The following SLC24A4 variants were observed in gnomAD, a reference collection of about 807,000 sequenced individuals.
SLC24A4 encodes solute carrier family 24 member 4, also known as sodium/potassium/calcium exchanger 4.
SLC24A4 carries 53 observed loss-of-function variants against 79.0 expected under a neutral mutation model. The ratio of observed to expected loss-of-function variants is 0.67; its 90% CI spans 0.54 to 0.84. SLC24A4 has a LOEUF of 0.84. SLC24A4 is among the 40% of genes least tolerant of loss of function. SLC24A4 has a pLI of 0.00. For synonymous variants in SLC24A4, 323 were observed against 323.8 expected, an observed-to-expected ratio of 1.00 and a Z score of 0.03; for missense variants, 731 against 822.0, an observed-to-expected ratio of 0.89 and a Z score of 1.35.
chr14:92,447,483 C>A (rs1318055112), intron 9 of SLC24A4, 59 bp downstream of exon 9: 1 of 1,482,344 alleles, frequency 6.7e-7, no homozygotes, highest in African/African-American at 1.4e-5. Context: ...CCTGCTACAG[C>A]CTTTTGTGAC....
intron 2 of SLC24A4, among the ~76,000 whole-genome samples, chr14:92,392,665 C>T (rs1889542454): frequency 6.6e-6 from 1 of 152,178 alleles, no homozygotes; most frequent in South Asian, 2.1e-4. Flanking sequence ...GTTGGTGTCC[C>T]CCAAATCCAA....
chr14:92,412,076 C>T (rs1343339533), intron 2 of SLC24A4, among the ~76,000 whole-genome samples: 1 of 152,194 alleles, frequency 6.6e-6, no homozygotes, highest in Admixed American at 6.5e-5. Context: ...GCTTCCTCCC[C>T]AGCCAGTCTC....
chr14:92,343,637 TTTCTC>T lies in SLC24A4; in HGVS notation c.241+17661_241+17665del, dbSNP rs1595140275. ...CTTTCTTTCTTTCTTTCTTTCTTTC[TTTCTC>T]TCTTTCCTTCTTTCCTTCCTTCCTT... On this transcript the variant is annotated intron_variant, in intron 2 of 16. Coordinates refer to ENST00000532405, the MANE Select transcript of SLC24A4 (RefSeq NM_153646.4). Among the ~76,000 whole-genome samples the T allele has an allele frequency of 1.9e-3, 152 of 81,194 alleles. 1 individual carries two copies. The highest frequency in any genetic ancestry group is 6.8e-3 in the Middle Eastern group (1 of 146). 53.3% of individuals were successfully genotyped at this position (81,194 alleles called of 152,430 possible). A position where few individuals can be genotyped will look rare whatever the true frequency, so the allele number is the denominator to read the frequency against.
At chr14:92,458,357 G>A (rs1212564665) in intron 12 of SLC24A4, among the ~76,000 whole-genome samples, 1 of 152,172 alleles carries the variant, frequency 6.6e-6, no homozygotes, top group African/African-American at 2.4e-5. Flanking sequence ...GAAGGCCGAG[G>A]GGATTGGTGT....
At chr14:92,393,193 A>C (rs1230944406) in intron 2 of SLC24A4, among the ~76,000 whole-genome samples, 1 of 152,234 alleles carries the variant, frequency 6.6e-6, no homozygotes, top group Non-Finnish European at 1.5e-5. Flanking sequence ...GTGAACAACA[A>C]ATTTCTGTTT....
chr14:92,481,556 C>T (rs1046479934), intron 12 of SLC24A4, among the ~76,000 whole-genome samples: 1 of 152,160 alleles, frequency 6.6e-6, no homozygotes. Context: ...CTTGTTCTGC[C>T]CCCTCTTGTG....
chr14:92,342,212 G>A (rs1886184024), intron 2 of SLC24A4, among the ~76,000 whole-genome samples: 1 of 148,138 alleles, frequency 6.8e-6, no homozygotes, highest in African/African-American at 2.5e-5. Context: ...AAACCAGTGT[G>A]TATTGTAGCT....
At position 92,497,471 on chromosome 14, in the gene SLC24A4, T is replaced by G. The variant is rs534866207; in HGVS notation, c.*3843T>G. The G allele has an allele frequency of 6.6e-6, 1 of 152,390 alleles. No homozygotes were observed. The highest frequency in any genetic ancestry group is 2.4e-5 in the African/African-American group (1 of 41,442). The allele number at this position is 152,390 out of a possible 1,614,324, so 9.4% of individuals were successfully genotyped here. On this transcript the variant is annotated 3_prime_UTR_variant, in exon 17 of 17. Transcript: ENST00000532405. ...GTCTTTCTGCCTGTCCTTTCTCCTC[T>G]CTGAATCCTGGGGCCCCTCTCCCTC...
At chr14:92,380,150 C>T (rs1274632586) in intron 2 of SLC24A4, among the ~76,000 whole-genome samples, 5 of 152,222 alleles carry the variant, frequency 3.3e-5, no homozygotes, top group Admixed American at 6.5e-5. Context: ...AAACGGGGTG[C>T]TCTGCATCCG....
At chr14:92,481,096 T>G (rs1895044154) in intron 12 of SLC24A4, among the ~76,000 whole-genome samples, 1 of 152,216 alleles carries the variant, frequency 6.6e-6, no homozygotes, top group Non-Finnish European at 1.5e-5. Flanking sequence ...AGGCGGGTAG[T>G]TCACAACTCT....
intron 9 of SLC24A4, among the ~76,000 whole-genome samples, chr14:92,448,345 T>TACACACACACACAC (rs71877757): frequency 0.14 from 18,080 of 131,772 alleles, 1,468 homozygotes; most frequent in Non-Finnish European, 0.15. Context: ...TCCCACTACA[T>TACACACACACACAC]ACACACACAC....
chr14:92,380,988 T>G (rs1050406354), intron 2 of SLC24A4, among the ~76,000 whole-genome samples: 1 of 152,018 alleles, frequency 6.6e-6, no homozygotes, highest in Non-Finnish European at 1.5e-5. Context: ...GGTGTGCACA[T>G]AGTGAGAGGT....
At chr14:92,484,547 T>C (rs1289372773) in intron 13 of SLC24A4, 1 of 985,416 alleles carries the variant, frequency 1.0e-6, no homozygotes, top group South Asian at 4.7e-5. Context: ...TCTGTGATTG[T>C]GTTTTAGTGA....
At chr14:92,427,966 C>G (rs938992505) in intron 2 of SLC24A4, among the ~76,000 whole-genome samples, 1 of 152,174 alleles carries the variant, frequency 6.6e-6, no homozygotes, top group African/African-American at 2.4e-5. Flanking sequence ...AGATAAGGCA[C>G]CATGTATGAA....
chr14:92,438,938 C>T (rs1892335831), intron 3 of SLC24A4, among the ~76,000 whole-genome samples: 1 of 152,184 alleles, frequency 6.6e-6, no homozygotes. Flanking sequence ...CATCCTGAAG[C>T]TACCGAGGTG....
intron 4 of SLC24A4, 77 bp downstream of exon 4, chr14:92,439,486 A>G: frequency 7.4e-7 from 1 of 1,344,592 alleles, no homozygotes; most frequent in Non-Finnish European, 1.1e-6. Flanking sequence ...CAAGAAGGCC[A>G]GGGCTGGCGT....
rs1047075520 is a variant in SLC24A4, at chr14:92,501,127, C to T, written c.*7499C>T. ...AAGTCACCCCAAGATCGTTCTGGCACGCTGAGCTGAACACCACCATCTTTG... is the reference window on the plus strand; with the variant it reads ...AAGTCACCCCAAGATCGTTCTGGCATGCTGAGCTGAACACCACCATCTTTG... On this transcript the variant is annotated 3_prime_UTR_variant, in exon 17 of 17. Transcript: ENST00000532405. 2.0e-5 allele frequency: 3 copies of T among 152,330 alleles called. No homozygotes were observed. The highest frequency in any genetic ancestry group is 6.5e-5 in the Admixed American group (1 of 15,302). The allele number at this position is 152,330 out of a possible 1,614,324, so 9.4% of individuals were successfully genotyped here.
Position 92,435,255 on chromosome 14 carries a change from A to G in SLC24A4, c.318+1267A>G, listed in dbSNP as rs546391943. 7.2e-5 allele frequency among the ~76,000 whole-genome samples: 11 copies of G among 152,324 alleles called. No individual in the cohort carries two copies. The East Asian group carries it at 2.1e-3, about 29-fold the overall frequency. ...TAATTTGAAAAGAAATAAGGGTTCA[A>G]ACCTAAGTTACAAGTCACTCTCTGT... is the stretch of plus-strand genomic sequence containing the variant. On this transcript the variant is annotated intron_variant, in intron 3 of 16. Transcript: ENST00000532405.
chr14:92,373,467 C>T (rs1269877834), intron 2 of SLC24A4, among the ~76,000 whole-genome samples: 1 of 152,172 alleles, frequency 6.6e-6, no homozygotes, highest in Non-Finnish European at 1.5e-5. Flanking sequence ...AGTGTCTGAC[C>T]CCCTCCTTGT....
Sources: gnomAD v4.1 joint callset for allele counts (sites outside exome capture counted in the v4.1 genomes callset) on GRCh38, gnomAD v4.1.1 for gene constraint, MANE v1.5 for transcripts, NCBI Gene and HGNC (gene_info 2026-07-23, HGNC 2026-07-21) for gene names.